MAF: variants seen among roughly 807,000 people sequenced by gnomAD.
MAF encodes the protein MAF bZIP transcription factor.
A neutral mutation model predicts 22.0 loss-of-function variants in MAF; 10 were observed. The observed-to-expected ratio is 0.45, with a 90% CI of 0.28 to 0.77. The LOEUF (loss-of-function observed/expected upper bound fraction) is 0.77, where lower values mean the gene tolerates loss of function less well. Among genes scored for constraint, MAF ranks in the 30% least tolerant of loss-of-function variants. The pLI, the probability that MAF is intolerant of heterozygous loss-of-function variation, is 0.12. For missense variants in MAF, 544 were observed against 548.4 expected, an observed-to-expected ratio of 0.99 and a Z score of 0.08; for synonymous variants, 337 against 255.8, an observed-to-expected ratio of 1.32 and a Z score of -3.03.
At chr16:79,243,901 G>T in the MAF span, among the ~76,000 whole-genome samples, 1 of 152,002 alleles carries the variant, frequency 6.6e-6, no homozygotes, top group Non-Finnish European at 1.5e-5. Context: ...GGGATGCAAG[G>T]TTAGTTCAAC....
the MAF span, among the ~76,000 whole-genome samples, chr16:79,483,315 A>C: frequency 7.6e-6 from 1 of 131,102 alleles, no homozygotes; most frequent in Non-Finnish European, 1.6e-5. Context: ...GACCTCTGTG[A>C]ACAAACACTG....
At chr16:79,493,522 C>T in the MAF span, among the ~76,000 whole-genome samples, 1 of 152,130 alleles carries the variant, frequency 6.6e-6, no homozygotes, top group Non-Finnish European at 1.5e-5. Context: ...CCATGTTGGC[C>T]AGGCTGCTGT....
chr16:79,359,953 A>G, the MAF span, among the ~76,000 whole-genome samples: 1 of 152,184 alleles, frequency 6.6e-6, no homozygotes, highest in African/African-American at 2.4e-5. Flanking sequence ...AAGGATTGCC[A>G]TTCATGGGTG....
At chr16:79,253,748 G>A in the MAF span, among the ~76,000 whole-genome samples, 12 of 152,134 alleles carry the variant, frequency 7.9e-5, no homozygotes, top group East Asian at 3.9e-4. Context: ...GAGCCTGATC[G>A]TCTCTAGCTC....
chr16:79,441,487 G>A, the MAF span, among the ~76,000 whole-genome samples: 1,115 of 152,284 alleles, frequency 7.3e-3, 11 homozygotes, highest in Non-Finnish European at 0.012. Flanking sequence ...ACAGACAACA[G>A]GTGAATACAT....
At chr16:79,212,317 C>G in the MAF span, 1 of 831,288 alleles carries the variant, frequency 1.2e-6, no homozygotes, top group Non-Finnish European at 1.8e-6. Context: ...AGACAAATCT[C>G]AGAACCTTGT....
chr16:79,531,694 A>T, the MAF span, among the ~76,000 whole-genome samples: 1 of 152,172 alleles, frequency 6.6e-6, no homozygotes, highest in Non-Finnish European at 1.5e-5. Context: ...ATATAGCAGG[A>T]GGCAGCACTC....
the MAF span, among the ~76,000 whole-genome samples, chr16:79,403,014 C>T: frequency 6.6e-6 from 1 of 152,320 alleles, no homozygotes; most frequent in South Asian, 2.1e-4. Context: ...TGGTTGTGAG[C>T]AGACCTGGGT....
At chr16:79,485,807 A>G in the MAF span, among the ~76,000 whole-genome samples, 4 of 152,190 alleles carry the variant, frequency 2.6e-5, no homozygotes, top group Non-Finnish European at 2.9e-5. Context: ...CTTGCCAAAC[A>G]GAAGTAAGCT....
the MAF span, among the ~76,000 whole-genome samples, chr16:79,489,396 T>A: frequency 0.9 from 137,108 of 152,302 alleles, 61,778 homozygotes; most frequent in East Asian, 1. Context: ...AATATGTGTT[T>A]TGCATCAGTT....
At chr16:79,555,274 G>A in the MAF span, among the ~76,000 whole-genome samples, 1 of 152,114 alleles carries the variant, frequency 6.6e-6, no homozygotes, top group African/African-American at 2.4e-5. Context: ...CTTCATGCAG[G>A]CCATAGGCTC....
chr16:79,240,940 C>T, the MAF span, among the ~76,000 whole-genome samples: 1 of 151,964 alleles, frequency 6.6e-6, no homozygotes, highest in African/African-American at 2.4e-5. Flanking sequence ...TCCAGCAGAC[C>T]TGGAGGGGCC....
the MAF span, among the ~76,000 whole-genome samples, chr16:79,369,425 A>G: frequency 8.2e-4 from 125 of 152,306 alleles, no homozygotes; most frequent in African/African-American, 2.7e-3. Flanking sequence ...TGTTTAGACA[A>G]ACATTACTGC....
the MAF span, among the ~76,000 whole-genome samples, chr16:79,298,656 A>G: frequency 6.6e-6 from 1 of 152,206 alleles, no homozygotes; most frequent in Non-Finnish European, 1.5e-5. Context: ...CTCACTTGTC[A>G]TGGGAAAGAG....
At chr16:79,421,752 C>T in the MAF span, among the ~76,000 whole-genome samples, 2 of 151,718 alleles carry the variant, frequency 1.3e-5, no homozygotes, top group Non-Finnish European at 2.9e-5. Context: ...CCTCCTGTCT[C>T]AGCCTCTTGA....
chr16:79,204,291 C>G, the MAF span: 4 of 152,094 alleles, frequency 2.6e-5, no homozygotes, highest in Admixed American at 6.5e-5. Flanking sequence ...AATGAGACAG[C>G]CTCTCAGGTC....
chr16:79,578,408 T>A, the MAF span, among the ~76,000 whole-genome samples: 1 of 152,212 alleles, frequency 6.6e-6, no homozygotes, highest in African/African-American at 2.4e-5. Flanking sequence ...GATATTTATA[T>A]TGATACTCAT....
chr16:79,519,225 T>C, the MAF span, among the ~76,000 whole-genome samples: 2 of 152,118 alleles, frequency 1.3e-5, no homozygotes, highest in Non-Finnish European at 2.9e-5. Flanking sequence ...GCTGTTACTC[T>C]GAGCTCGGGA....
At chr16:79,491,895 G>A in the MAF span, among the ~76,000 whole-genome samples, 3 of 152,162 alleles carry the variant, frequency 2.0e-5, no homozygotes, top group African/African-American at 7.2e-5. Context: ...GGCTGTGAGT[G>A]CAGCCCCTCT....
Sources: allele counts gnomAD v4.1 joint callset (sites outside exome capture counted in the v4.1 genomes callset), GRCh38; gene constraint gnomAD v4.1.1; transcripts MANE v1.5; gene names NCBI Gene and HGNC (gene_info 2026-07-23, HGNC 2026-07-21).